TGFB3: variants seen among roughly 807,000 people sequenced by gnomAD.
The protein encoded by TGFB3 is transforming growth factor beta-3 proprotein.
TGFB3 carries 5 observed loss-of-function variants against 40.1 expected under a neutral mutation model. That is an observed-to-expected ratio of 0.12 (90% CI 0.07 to 0.26). The LOEUF (loss-of-function observed/expected upper bound fraction) is 0.26, where lower values mean the gene tolerates loss of function less well. Ranked by LOEUF, TGFB3 falls within the 10% of genes least tolerant of loss-of-function variation. The pLI is 1.00. For synonymous variants in TGFB3, 184 were observed against 205.6 expected, an observed-to-expected ratio of 0.89 and a Z score of 0.90; for missense variants, 373 against 530.1, an observed-to-expected ratio of 0.70 and a Z score of 2.91.
intron 5 of TGFB3, 78 bp from the exon 6 acceptor site, chr14:75,961,154 C>G: frequency 6.6e-7 from 1 of 1,524,640 alleles, no homozygotes. Context: ...TCATATTCTC[C>G]CTTGGAGTCC....
intron 1 of TGFB3, among the ~76,000 whole-genome samples, chr14:75,973,553 T>C (rs1331598998): frequency 6.6e-6 from 1 of 152,250 alleles, no homozygotes; most frequent in Non-Finnish European, 1.5e-5. Flanking sequence ...ATACTCTGAA[T>C]GTGGATAAGC....
At chr14:75,965,350 C>G (rs970643339) in intron 4 of TGFB3, among the ~76,000 whole-genome samples, 2 of 152,224 alleles carry the variant, frequency 1.3e-5, no homozygotes, top group African/African-American at 4.8e-5. Context: ...TACACAGTTT[C>G]ACCACTTACC....
chr14:75,964,773 C>T (rs1330088499), intron 4 of TGFB3, among the ~76,000 whole-genome samples: 1 of 152,146 alleles, frequency 6.6e-6, no homozygotes, highest in Non-Finnish European at 1.5e-5. Context: ...GTCCTCTGGG[C>T]TCTAAGGTTC....
intron 4 of TGFB3, among the ~76,000 whole-genome samples, chr14:75,963,923 C>T (rs1244523294): frequency 3.9e-5 from 6 of 152,166 alleles, no homozygotes; most frequent in Non-Finnish European, 7.4e-5. Context: ...GTTGGCCAGG[C>T]TGGAGTGCAG....
chr14:75,968,471 A>G (rs2035248058), intron 3 of TGFB3, among the ~76,000 whole-genome samples: 1 of 152,230 alleles, frequency 6.6e-6, no homozygotes, highest in Admixed American at 6.5e-5. Flanking sequence ...GAGGATGGAA[A>G]TCATTCTCAA....
chr14:75,975,224 TG>T (rs970116981), intron 1 of TGFB3, among the ~76,000 whole-genome samples: 2 of 151,872 alleles, frequency 1.3e-5, no homozygotes, highest in African/African-American at 4.8e-5. Flanking sequence ...AAAAATTAGC[TG>T]GGTGTGGTGG....
rs779897294 is a variant in TGFB3, at chr14:75,971,146, C to T, written c.626G>A (p.Arg209His). ...CCTACCTCTTCTCAACAGCCACTCA[C>T]GCACAGTGTCAGTGACATCAAAGGA... ...WLSFDVTDTV[R>H]EWLLRRESNL... The change falls in exon 3 of 7, where the codon CGT (arginine) becomes CAT (histidine). Residue 209 changes from arginine (R) to histidine (H), a missense_variant. Transcript: ENST00000238682. This position sits in a 1 kb window ranked among gnomAD's most constrained non-coding sequence, Gnocchi z 4.5. The T allele has an allele frequency of 9.3e-6, 15 of 1,613,984 alleles. No homozygotes were observed. Among genetic ancestry groups the T allele is most frequent in the African/African-American group, 6.7e-5 (5 of 74,932 alleles).
upstream of TGFB3, among the ~76,000 whole-genome samples, chr14:75,982,427 A>C (rs3759736): frequency 6.6e-6 from 1 of 152,264 alleles, no homozygotes; most frequent in East Asian, 1.9e-4. The surrounding 1 kb of genome is among the most constrained non-coding windows in gnomAD (Gnocchi z 4.0). Flanking sequence ...AGGGGCGGCC[A>C]TGCCAGCCTC....
In TGFB3 at chr14:75,980,940, G is replaced by T; in HGVS notation, c.-47C>A. On this transcript the variant is annotated 5_prime_UTR_variant, in exon 1 of 7. Coordinates refer to ENST00000238682, the MANE Select transcript of TGFB3 (RefSeq NM_003239.5). The surrounding 1 kb of genome is among the most constrained non-coding windows in gnomAD (Gnocchi z 4.3). ...CAGGGGGACGGCAAGGCCTGGAGAG[G>T]AAGAGACCCCAGCAGACGTGCAGAA... 6.4e-7 allele frequency: 1 copy of T among 1,567,520 alleles called. No individual in the cohort carries two copies. Among genetic ancestry groups the T allele is most frequent in the Non-Finnish European group, 8.8e-7 (1 of 1,140,076 alleles).
At chr14:75,977,153 A>G (rs540201828) in intron 1 of TGFB3, among the ~76,000 whole-genome samples, 105 of 152,348 alleles carry the variant, frequency 6.9e-4, no homozygotes, top group African/African-American at 2.5e-3. Context: ...CAAAGACTAA[A>G]ATATAGAGTT....
intron 5 of TGFB3, 41 bp from the exon 6 acceptor site, chr14:75,961,117 C>T (rs1241173027): frequency 6.2e-7 from 1 of 1,611,212 alleles, no homozygotes; most frequent in Non-Finnish European, 8.5e-7. Context: ...CTTAAAACCA[C>T]CAATAAAAGA....
chr14:75,963,135 G>A (rs1236663737), intron 5 of TGFB3, 181 bp downstream of exon 5: 6 of 753,910 alleles, frequency 8.0e-6, no homozygotes, highest in Non-Finnish European at 1.4e-5. Context: ...GGACTCCCAG[G>A]AAAACAGAAA....
upstream of TGFB3, among the ~76,000 whole-genome samples, chr14:75,982,382 C>T (rs867247625): frequency 1.3e-5 from 2 of 152,178 alleles, no homozygotes; most frequent in South Asian, 4.1e-4. The surrounding 1 kb of genome is among the most constrained non-coding windows in gnomAD (Gnocchi z 4.0). Flanking sequence ...CAGGCCCAAC[C>T]CGGGGCAGGG....
chr14:75,979,058 A>G lies in TGFB3; in HGVS notation c.352+1484T>C, dbSNP rs1054444494. Among the ~76,000 whole-genome samples, 13 of 152,136 alleles carry G rather than the reference A, an allele frequency of 8.5e-5. No individual in the cohort carries two copies. The highest frequency in any genetic ancestry group is 1.6e-4 in the Non-Finnish European group (11 of 68,006). On this transcript the variant is annotated intron_variant, in intron 1 of 6. Coordinates refer to ENST00000238682, the MANE Select transcript of TGFB3 (RefSeq NM_003239.5). This position sits in a 1 kb window ranked among gnomAD's most constrained non-coding sequence, Gnocchi z 4.8. Reference sequence around the variant, plus strand: ...TCTGGGAACTGTGGGTCTCTGAGCCAGCCCCACCCAGAGACCCTGGGCAGG... The same window carrying G: ...TCTGGGAACTGTGGGTCTCTGAGCCGGCCCCACCCAGAGACCCTGGGCAGG...
At chr14:75,982,337 C>T (rs1339540164), upstream of TGFB3, among the ~76,000 whole-genome samples, 3 of 152,186 alleles carry the variant, frequency 2.0e-5, no homozygotes, top group African/African-American at 7.2e-5. The surrounding 1 kb of genome is among the most constrained non-coding windows in gnomAD (Gnocchi z 4.0). Context: ...TCTACTCTCC[C>T]TCCTGGTCCC....
At position 75,980,464 on chromosome 14, in the gene TGFB3, C is replaced by T; in HGVS notation, c.352+78G>A. The stretch of plus-strand genomic sequence containing the variant: ...GGGGCACCCTGCTGTGTGGCCAGCA[C>T]TAGGCCCCCCTCTGCAGAGCTCCCA... On this transcript the variant is annotated intron_variant, in intron 1 of 6. Transcript: ENST00000238682. The surrounding 1 kb of genome is among the most constrained non-coding windows in gnomAD (Gnocchi z 4.3). The T allele has an allele frequency of 6.9e-7, 1 of 1,453,670 alleles. No homozygotes were observed. The highest frequency in any genetic ancestry group is 1.1e-5 in the South Asian group (1 of 87,680). The allele number at this position is 1,453,670 out of a possible 1,614,324, so 90.0% of individuals were successfully genotyped here.
At chr14:75,969,453 C>T (rs973249665) in intron 3 of TGFB3, among the ~76,000 whole-genome samples, 3 of 152,190 alleles carry the variant, frequency 2.0e-5, no homozygotes, top group African/African-American at 7.2e-5. Flanking sequence ...CCAGACTGGA[C>T]GACCTCGGTC....
rs2035288493 is a variant in TGFB3 at position 75,971,286 on chromosome 14, A to G, written c.517-31T>C. ...GGGCAGAGAAAGGAGTGAGTACCCG[A>G]GACCAGGACAGAGTGCCCCAGAAGA... On this transcript the variant is annotated intron_variant, in intron 2 of 6. Transcript: ENST00000238682. The surrounding 1 kb of genome is among the most constrained non-coding windows in gnomAD (Gnocchi z 4.5). The G allele has an allele frequency of 6.2e-7, 1 of 1,613,720 alleles. No homozygotes were observed. Among genetic ancestry groups the G allele is most frequent in the African/African-American group, 1.3e-5 (1 of 74,936 alleles).
chr14:75,960,894 G>A, intron 6 of TGFB3, 29 bp downstream of exon 6: 2 of 1,613,882 alleles, frequency 1.2e-6, no homozygotes, highest in Non-Finnish European at 1.7e-6. Flanking sequence ...CAGCCCCAGT[G>A]CCTCAGATGG....
Sources: allele counts gnomAD v4.1 joint callset (sites outside exome capture counted in the v4.1 genomes callset), GRCh38; gene constraint gnomAD v4.1.1; non-coding constraint Gnocchi (gnomAD v3.1); transcripts MANE v1.5; gene names NCBI Gene and HGNC (gene_info 2026-07-23, HGNC 2026-07-21).